The following ZNF138 variants were observed in gnomAD, a reference collection of about 807,000 sequenced individuals.
ZNF138 encodes zinc finger protein 138 (clone pHZ-32).
Under a neutral mutation model 33.0 loss-of-function variants are expected in ZNF138, and 33 were observed. That is an observed-to-expected ratio of 1.00 (90% CI 0.76 to 1.34). The LOEUF is 1.34. ZNF138 is among the 40% of genes most tolerant of loss of function. The pLI is 0.00. For synonymous variants in ZNF138, 139 were observed against 120.4 expected, an observed-to-expected ratio of 1.15 and a Z score of -1.01; for missense variants, 360 against 370.8, an observed-to-expected ratio of 0.97 and a Z score of 0.24.
chr7:64,843,237 T>G, the ZNF138 span, among the ~76,000 whole-genome samples: 1 of 152,230 alleles, frequency 6.6e-6, no homozygotes, highest in Non-Finnish European at 1.5e-5. Context: ...AACCACTGAT[T>G]TTATATTTTG....
At chr7:64,857,903 T>C in the ZNF138 span, among the ~76,000 whole-genome samples, 1 of 152,210 alleles carries the variant, frequency 6.6e-6, no homozygotes, top group Non-Finnish European at 1.5e-5. Flanking sequence ...ATAAATTGGA[T>C]ACCTATATAA....
At chr7:64,821,188 C>T (rs1789119453) in intron 3 of ZNF138, among the ~76,000 whole-genome samples, 3 of 150,876 alleles carry the variant, frequency 2.0e-5, no homozygotes, top group African/African-American at 7.4e-5. Context: ...CTCCTGGGTT[C>T]ACGCCATTCT....
chr7:64,814,736 G>A (rs1053086715), intron 1 of ZNF138, among the ~76,000 whole-genome samples, 182 bp from the exon 2 acceptor site: 21 of 151,808 alleles, frequency 1.4e-4, no homozygotes, highest in African/African-American at 4.6e-4. Context: ...GCACTCCAGC[G>A]TGGGCAACAG....
At chr7:64,815,515 A>G in intron 2 of ZNF138, 61 bp from the exon 3 acceptor site, 1 of 1,492,296 alleles carries the variant, frequency 6.7e-7, no homozygotes, top group Non-Finnish European at 9.2e-7. Flanking sequence ...TAATTGGAGA[A>G]TATGAGCCAG....
chr7:64,795,407 A>G (rs1359498838), intron 1 of ZNF138, among the ~76,000 whole-genome samples: 2 of 151,984 alleles, frequency 1.3e-5, no homozygotes, highest in African/African-American at 4.8e-5. Context: ...CCCCCTCCCC[A>G]TTTCCCATTC....
At chr7:64,844,112 T>G in the ZNF138 span, among the ~76,000 whole-genome samples, 1 of 152,168 alleles carries the variant, frequency 6.6e-6, no homozygotes, top group Non-Finnish European at 1.5e-5. Context: ...CCTGAGCCAC[T>G]GCGCTGGCCA....
At chr7:64,839,029 G>A in the ZNF138 span, among the ~76,000 whole-genome samples, 2 of 152,184 alleles carry the variant, frequency 1.3e-5, no homozygotes, top group African/African-American at 4.8e-5. Context: ...GCTAGCCAGA[G>A]GGACTTGTGC....
At chr7:64,800,694 T>C (rs901872839) in intron 1 of ZNF138, among the ~76,000 whole-genome samples, 1 of 152,198 alleles carries the variant, frequency 6.6e-6, no homozygotes, top group African/African-American at 2.4e-5. Flanking sequence ...ATGCTGTTCT[T>C]ACCTAATGAG....
rs374894264 is a variant in ZNF138, at chr7:64,819,615, C to T, written c.208+3962C>T. Among the ~76,000 whole-genome samples the T allele has an allele frequency of 7.2e-5, 11 of 152,144 alleles. No individual in the cohort carries two copies. In the East Asian group the frequency reaches 1.2e-3, roughly 16 times the overall value. ...AACTCCTCAGCTCAGGCAATCTGCC[C>T]GCCTCATCTTCCCAAAGTGCTAGGA... On this transcript the variant is annotated intron_variant, in intron 3 of 3. Coordinates refer to ENST00000307355, the MANE Select transcript of ZNF138 (RefSeq NM_001271639.2).
intron 3 of ZNF138, among the ~76,000 whole-genome samples, chr7:64,822,747 A>G (rs1789269381): frequency 6.6e-6 from 1 of 152,198 alleles, no homozygotes; most frequent in South Asian, 2.1e-4. Flanking sequence ...ATGTTTTGCT[A>G]TAGTTTTTAA....
the ZNF138 span, chr7:64,852,565 G>A: frequency 6.4e-7 from 1 of 1,562,828 alleles, no homozygotes; most frequent in Non-Finnish European, 8.8e-7. Flanking sequence ...TCTCTGCACA[G>A]AACCGAGCTG....
At chr7:64,814,492 C>A (rs1788450445) in intron 1 of ZNF138, among the ~76,000 whole-genome samples, 2 of 152,124 alleles carry the variant, frequency 1.3e-5, no homozygotes, top group Non-Finnish European at 2.9e-5. Flanking sequence ...ATGGGCTGGT[C>A]CTGGTGGCTC....
At chr7:64,828,516 A>C (rs1308732251) in intron 3 of ZNF138, among the ~76,000 whole-genome samples, 1 of 152,120 alleles carries the variant, frequency 6.6e-6, no homozygotes, top group African/African-American at 2.4e-5. Flanking sequence ...TTTTTGAAAA[A>C]TGAGTGATAT....
At chr7:64,821,129 G>A (rs1393794133) in intron 3 of ZNF138, among the ~76,000 whole-genome samples, 2 of 149,808 alleles carry the variant, frequency 1.3e-5, no homozygotes, top group East Asian at 2.0e-4. Flanking sequence ...TGGCTCCGTC[G>A]CCCAGGCTGG....
At chr7:64,800,991 A>G (rs116182428) in intron 1 of ZNF138, among the ~76,000 whole-genome samples, 2,188 of 152,222 alleles carry the variant, frequency 0.014, 54 homozygotes, top group African/African-American at 0.05. Flanking sequence ...AGTAGACTTC[A>G]ATAGTTATTT....
intron 3 of ZNF138, among the ~76,000 whole-genome samples, chr7:64,820,585 A>T (rs982352129): frequency 6.6e-6 from 1 of 151,582 alleles, no homozygotes; most frequent in Non-Finnish European, 1.5e-5. Context: ...TATTTTTGAG[A>T]TGGAGACTGG....
intron 1 of ZNF138, among the ~76,000 whole-genome samples, chr7:64,801,471 C>T (rs10085758): frequency 0.63 from 95,189 of 151,914 alleles, 30,283 homozygotes; most frequent in African/African-American, 0.71. Context: ...TGTATGGTTT[C>T]AAGTGGTTTT....
chr7:64,849,461 T>C, the ZNF138 span, among the ~76,000 whole-genome samples: 1 of 151,758 alleles, frequency 6.6e-6, no homozygotes, highest in Non-Finnish European at 1.5e-5. Flanking sequence ...TCAGCTGTGG[T>C]AGTATAGGGA....
At position 64,831,713 on chromosome 7, in the gene ZNF138, C is replaced by T. The variant is rs766998537; in HGVS notation, c.471C>T (p.His157=). 2.4e-5 allele frequency: 39 copies of T among 1,610,690 alleles called. 1 individual carries two copies. In the Middle Eastern group the frequency reaches 5.8e-3, roughly 239 times the overall value. The change falls in exon 4 of 4, where the codon CAC becomes CAT. Residue 157 remains histidine, a synonymous_variant. Coordinates refer to ENST00000307355, the MANE Select transcript of ZNF138 (RefSeq NM_001271639.2). The part of the protein sequence containing the change: ...VMHKFSNSNR[H]KIRHTENKHF... The stretch of plus-strand genomic sequence containing the variant: ...ATAAATTTTCAAATTCAAATAGACA[C>T]AAGATAAGACATACTGAAAATAAAC...
Sources: gnomAD v4.1 joint callset for allele counts (sites outside exome capture counted in the v4.1 genomes callset) on GRCh38, gnomAD v4.1.1 for gene constraint, MANE v1.5 for transcripts, NCBI Gene and HGNC (gene_info 2026-07-23, HGNC 2026-07-21) for gene names.